ELMO1: variants seen among roughly 807,000 people sequenced by gnomAD.
The protein encoded by ELMO1 is engulfment and cell motility 1.
Under a neutral mutation model 98.9 loss-of-function variants are expected in ELMO1, and 26 were observed. The ratio of observed to expected loss-of-function variants is 0.26; its 90% CI spans 0.19 to 0.36. ELMO1 has a LOEUF of 0.36. ELMO1 is among the 10% of genes least tolerant of loss of function. The probability of loss-of-function intolerance (pLI) is 1.00; values close to 1 mark genes in which losing one functional copy is unlikely to be tolerated. For synonymous variants in ELMO1, 346 were observed against 346.0 expected, an observed-to-expected ratio of 1.00 and a Z score of 0.00; for missense variants, 627 against 935.2, an observed-to-expected ratio of 0.67 and a Z score of 4.30.
intron 2 of ELMO1, among the ~76,000 whole-genome samples, chr7:37,319,229 T>C (rs1799357081): frequency 6.6e-6 from 1 of 152,152 alleles, no homozygotes; most frequent in African/African-American, 2.4e-5. Context: ...CCCCTCAATC[T>C]ACCCAACGGT....
At chr7:37,170,433 G>A (rs1790070376) in intron 13 of ELMO1, among the ~76,000 whole-genome samples, 2 of 152,192 alleles carry the variant, frequency 1.3e-5, no homozygotes, top group African/African-American at 4.8e-5. Context: ...CCAAATGGTG[G>A]TTGGAAGTGC....
At chr7:37,026,238 C>T (rs1321823196) in intron 15 of ELMO1, among the ~76,000 whole-genome samples, 3 of 152,116 alleles carry the variant, frequency 2.0e-5, no homozygotes, top group Non-Finnish European at 4.4e-5. Context: ...TAATGAGCAG[C>T]TGGGATGTCC....
chr7:37,436,229 T>C (rs1164299476), intron 1 of ELMO1, among the ~76,000 whole-genome samples: 4 of 152,216 alleles, frequency 2.6e-5, no homozygotes, highest in African/African-American at 7.2e-5. Context: ...ATATTTACCA[T>C]TGGATTCTAT....
chr7:36,881,534 G>T (rs531294082), intron 18 of ELMO1, among the ~76,000 whole-genome samples: 24 of 152,328 alleles, frequency 1.6e-4, no homozygotes, highest in African/African-American at 5.8e-4. Context: ...GCATTTTGGA[G>T]AAAACAATAG....
At chr7:37,100,304 A>G (rs1355934579) in intron 14 of ELMO1, among the ~76,000 whole-genome samples, 1 of 152,220 alleles carries the variant, frequency 6.6e-6, no homozygotes, top group East Asian at 1.9e-4. Flanking sequence ...CCTCATGGTG[A>G]GTGACCAAAG....
chr7:36,917,517 T>C (rs1257591543), intron 16 of ELMO1, among the ~76,000 whole-genome samples: 1 of 151,682 alleles, frequency 6.6e-6, no homozygotes, highest in African/African-American at 2.4e-5. Context: ...TCCAAATGGG[T>C]AAAAAGTATG....
intron 2 of ELMO1, among the ~76,000 whole-genome samples, chr7:37,333,794 G>A (rs980173644): frequency 1.3e-5 from 2 of 152,154 alleles, no homozygotes; most frequent in Admixed American, 6.5e-5. Context: ...CTATTATGAC[G>A]GTATGAAAGC....
At chr7:37,178,880 T>C (rs1460749014) in intron 13 of ELMO1, among the ~76,000 whole-genome samples, 1 of 152,122 alleles carries the variant, frequency 6.6e-6, no homozygotes, top group African/African-American at 2.4e-5. Flanking sequence ...AAGGAAAGAC[T>C]GAGAAGCTGT....
chr7:37,388,725 C>T (rs2131410743), intron 1 of ELMO1, among the ~76,000 whole-genome samples: 1 of 151,980 alleles, frequency 6.6e-6, no homozygotes, highest in East Asian at 1.9e-4. Flanking sequence ...ATCTCTTGAG[C>T]CCAGGAGATA....
At chr7:37,259,902 T>C (rs896342843) in intron 5 of ELMO1, among the ~76,000 whole-genome samples, 3 of 152,206 alleles carry the variant, frequency 2.0e-5, no homozygotes, top group African/African-American at 7.2e-5. Flanking sequence ...TAAATTTCAA[T>C]TTTCAACAAC....
chr7:37,079,097 T>C (rs558216341), intron 15 of ELMO1, among the ~76,000 whole-genome samples: 1 of 152,320 alleles, frequency 6.6e-6, no homozygotes, highest in African/African-American at 2.4e-5. Flanking sequence ...AGGAAATTAT[T>C]AAGATGTGTG....
chr7:37,386,662 G>C (rs892264177), intron 1 of ELMO1, among the ~76,000 whole-genome samples: 6 of 152,108 alleles, frequency 3.9e-5, no homozygotes, highest in African/African-American at 1.4e-4. Context: ...CCACACTCGT[G>C]TCAGGTAAGT....
chr7:37,399,592 G>C (rs906290285), intron 1 of ELMO1, among the ~76,000 whole-genome samples: 1 of 152,104 alleles, frequency 6.6e-6, no homozygotes, highest in African/African-American at 2.4e-5. Flanking sequence ...CTTATTCTTC[G>C]GGTAGAACAT....
intron 2 of ELMO1, among the ~76,000 whole-genome samples, chr7:37,325,519 C>T (rs1446437289): frequency 6.6e-6 from 1 of 152,184 alleles, no homozygotes; most frequent in Non-Finnish European, 1.5e-5. Context: ...CTCCACCCTT[C>T]TGTCCAGCGA....
intron 21 of ELMO1, among the ~76,000 whole-genome samples, chr7:36,858,161 T>C (rs756767223): frequency 2.0e-5 from 3 of 152,222 alleles, no homozygotes; most frequent in Admixed American, 6.5e-5. Context: ...CTGCCTACCA[T>C]ATGTAAATTG....
chr7:37,423,638 A>C (rs1583736059), intron 1 of ELMO1, among the ~76,000 whole-genome samples: 2 of 152,252 alleles, frequency 1.3e-5, no homozygotes, highest in South Asian at 2.1e-4. Flanking sequence ...ACTGTATTTC[A>C]TTTTTGAAAC....
At chr7:37,008,248 A>G (rs1793284589) in intron 16 of ELMO1, among the ~76,000 whole-genome samples, 2 of 152,210 alleles carry the variant, frequency 1.3e-5, no homozygotes, top group African/African-American at 4.8e-5. Flanking sequence ...GGCAACTAGT[A>G]ATTGTTGGGG....
intron 21 of ELMO1, among the ~76,000 whole-genome samples, chr7:36,857,635 G>A (rs1291532121): frequency 6.6e-6 from 1 of 152,136 alleles, no homozygotes; most frequent in Non-Finnish European, 1.5e-5. Context: ...TAAAAACCCT[G>A]TAGTACTGAT....
chr7:37,032,866 T>G (rs971079069), intron 15 of ELMO1, among the ~76,000 whole-genome samples: 1 of 152,064 alleles, frequency 6.6e-6, no homozygotes, highest in East Asian at 1.9e-4. Flanking sequence ...TAAAGTGCAG[T>G]GAGTTATACA....
Sources: allele counts gnomAD v4.1 joint callset (sites outside exome capture counted in the v4.1 genomes callset), GRCh38; gene constraint gnomAD v4.1.1; transcripts MANE v1.5; gene names NCBI Gene and HGNC (gene_info 2026-07-23, HGNC 2026-07-21).